The following ACACB variants were observed in gnomAD, a reference collection of about 807,000 sequenced individuals.
ACACB encodes acetyl-CoA carboxylase 2.
Under a neutral mutation model 278.8 loss-of-function variants are expected in ACACB, and 209 were observed. The observed-to-expected ratio is 0.75, with a 90% CI of 0.67 to 0.84. ACACB has a LOEUF of 0.84. Ranked by LOEUF, ACACB falls within the 40% of genes least tolerant of loss-of-function variation. ACACB has a pLI of 0.00. For missense variants in ACACB, 2,850 were observed against 3,269.0 expected (o/e 0.87, Z 3.13); for synonymous variants, 1,174 against 1,285.6 (o/e 0.91, Z 1.86).
chr12:109,142,588 A>G (rs185514377), intron 2 of ACACB, among the ~76,000 whole-genome samples: 2,505 of 151,756 alleles, frequency 0.017, 26 homozygotes, highest in Non-Finnish European at 0.02. Context: ...ATTTTTTTGG[A>G]CAGAGTCTCA....
chr12:109,226,094 C>G (rs2046304597), intron 27 of ACACB, among the ~76,000 whole-genome samples: 1 of 151,382 alleles, frequency 6.6e-6, no homozygotes, highest in South Asian at 2.1e-4. Flanking sequence ...TAGGAAGATC[C>G]TTTCTTTACT....
chr12:109,163,735 C>T (rs543679482), intron 2 of ACACB, among the ~76,000 whole-genome samples: 15 of 152,208 alleles, frequency 9.9e-5, no homozygotes, highest in Admixed American at 2.6e-4. Context: ...CTACAACATC[C>T]GCCTCCTGGG....
chr12:109,219,917 C>G (rs2046112092), intron 24 of ACACB, among the ~76,000 whole-genome samples: 1 of 152,144 alleles, frequency 6.6e-6, no homozygotes, highest in Non-Finnish European at 1.5e-5. Flanking sequence ...AGTTCTATTA[C>G]TAAAATAATA....
At chr12:109,243,390 G>A (rs933983450) in intron 37 of ACACB, among the ~76,000 whole-genome samples, 2 of 152,156 alleles carry the variant, frequency 1.3e-5, no homozygotes, top group Non-Finnish European at 2.9e-5. Flanking sequence ...TTTGAGGTCA[G>A]GAGTTTAAGA....
intron 21 of ACACB, among the ~76,000 whole-genome samples, chr12:109,210,167 GTA>G (rs1229534249): frequency 7.9e-5 from 4 of 50,326 alleles, no homozygotes; most frequent in African/African-American, 3.5e-4. Flanking sequence ...GTGTGTATAT[GTA>G]TATATGTATA....
At chr12:109,229,430 G>A (rs2046407280) in intron 28 of ACACB, among the ~76,000 whole-genome samples, 1 of 152,154 alleles carries the variant, frequency 6.6e-6, no homozygotes, top group South Asian at 2.1e-4. Context: ...GGGGCCCTCT[G>A]AGCCAGGTGT....
chr12:109,166,868 A>AC lies in ACACB; in HGVS notation c.661_662insC (p.Met221ThrfsTer29). 1 of 1,613,960 alleles carries AC rather than the reference A, an allele frequency of 6.2e-7. No homozygotes were observed. The highest frequency in any genetic ancestry group is 8.5e-7 in the Non-Finnish European group (1 of 1,180,004). On this transcript the variant is annotated frameshift_variant, in exon 3 of 53. Transcript: ENST00000338432. LOFTEE classifies it high-confidence loss of function. ...CTCATTCTTATTCTGCAGGCCGAGC[A>AC]TGTCGGGACTCCACCTGGTGAAGAG...
intron 44 of ACACB, among the ~76,000 whole-genome samples, chr12:109,255,501 C>T (rs2047202380): frequency 6.6e-6 from 1 of 152,206 alleles, no homozygotes; most frequent in Non-Finnish European, 1.5e-5. Flanking sequence ...CAGGCCAGTC[C>T]TCGGCAGATG....
chr12:109,127,876 G>T (rs2042719962), intron 1 of ACACB, among the ~76,000 whole-genome samples: 1 of 152,072 alleles, frequency 6.6e-6, no homozygotes, highest in African/African-American at 2.4e-5. Flanking sequence ...AAGTTGTCAC[G>T]TATCTTCTTC....
In ACACB at chr12:109,266,350, G is replaced by A. The variant is rs776918092; in HGVS notation, c.7365G>A (p.Pro2455=). 1.4e-5 allele frequency: 22 copies of A among 1,607,878 alleles called. No homozygotes were observed. Among genetic ancestry groups the A allele is most frequent in the South Asian group, 7.7e-5 (7 of 90,586 alleles). The change falls in exon 53 of 53, where the codon CCG becomes CCA. Residue 2455 remains proline, a synonymous_variant. Coordinates refer to ENST00000338432, the MANE Select transcript of ACACB (RefSeq NM_001093.4). ...ACCTGCTGTCTACCATGGACAGCCC[G>A]GCCTCCACCTGACCGTGGCCCGCCC... ...VVHLLSTMDS[P]AST is the part of the protein sequence containing the mutation.
In ACACB at chr12:109,210,199, GTATATA is replaced by G. The variant is rs1162833610; in HGVS notation, c.3249+848_3249+853del. 7.4e-5 allele frequency among the ~76,000 whole-genome samples: 3 copies of G among 40,550 alleles called. 1 individual carries two copies. The highest frequency in any genetic ancestry group is 5.6e-4 in the East Asian group (1 of 1,780). The allele number at this position is 40,550 out of a possible 152,430, so 26.6% of individuals were successfully genotyped here. ...TGTATATATACACACGTGTGTATATGTATATATGTATATATACACACATGTGTGTAT... is the reference window on the plus strand; with the variant it reads ...TGTATATATACACACGTGTGTATATGTGTATATATACACACATGTGTGTAT... On this transcript the variant is annotated intron_variant, in intron 21 of 52. Coordinates refer to ENST00000338432, the MANE Select transcript of ACACB (RefSeq NM_001093.4).
intron 15 of ACACB, among the ~76,000 whole-genome samples, chr12:109,192,471 G>A (rs186151842): frequency 6.6e-6 from 1 of 152,096 alleles, no homozygotes; most frequent in East Asian, 1.9e-4. Flanking sequence ...ATCATAGGAT[G>A]TTAGCAGCAT....
Position 109,265,502 on chromosome 12 carries a change from C to G in ACACB, c.7227C>G (p.Asp2409Glu), listed in dbSNP as rs139766548. 7.9e-5 allele frequency: 127 copies of G among 1,613,658 alleles called. No homozygotes were observed. The highest frequency in any genetic ancestry group is 1.0e-4 in the Non-Finnish European group (123 of 1,179,970). Residue 2409 changes from aspartate (D) to glutamate (E), a missense_variant, in exon 52 of 53, where the codon GAC becomes GAG. Asp to Glu is a conservative substitution (Grantham distance 45). This residue lies in a region of ACACB where 579 missense variants were observed against 684.6 expected (regional missense o/e 0.85). Transcript: ENST00000338432. The stretch of plus-strand genomic sequence containing the variant: ...AGAACATCACGTACCTGAAGCACGA[C>G]TCTGTCCTCAAGACCATCCGAGGGT... ...IRENITYLKH[D>E]SVLKTIRGLV... is the part of the protein sequence containing the mutation.
intron 1 of ACACB, among the ~76,000 whole-genome samples, chr12:109,136,773 A>G (rs2042975643): frequency 6.6e-6 from 1 of 152,170 alleles, no homozygotes; most frequent in African/African-American, 2.4e-5. Context: ...CTTTCTACAT[A>G]TAGGACCATG....
Position 109,209,317 on chromosome 12 carries a change from C to A in ACACB, c.3213C>A (p.Asn1071Lys). ...GGGTGATGGCCCAGTATGCCAGCAA[C>A]ATCACCTCGGTGCTGTGCCAGTTCC... is the stretch of plus-strand genomic sequence containing the variant. ...VRRVMAQYAS[N>K]ITSVLCQFPS... The change falls in exon 21 of 53, where the codon AAC (asparagine) becomes AAA (lysine). Residue 1071 changes from asparagine (N) to lysine (K), a missense_variant. By Grantham distance (94) the Asn-to-Lys change is moderately conservative. Transcript: ENST00000338432. 6.2e-7 allele frequency: 1 copy of A among 1,612,518 alleles called. No individual in the cohort carries two copies. The highest frequency in any genetic ancestry group is 1.3e-5 in the African/African-American group (1 of 75,036).
intron 31 of ACACB, among the ~76,000 whole-genome samples, 161 bp from the exon 32 acceptor site, chr12:109,235,152 C>T (rs1039507329): frequency 1.3e-5 from 2 of 152,124 alleles, no homozygotes; most frequent in East Asian, 1.9e-4. Context: ...CTATTCTGGA[C>T]GTTTCATATA....
rs761600936 is a variant in ACACB, at chr12:109,216,937, C to T, written c.3564+17C>T. 2 of 1,611,320 alleles carry T rather than the reference C, an allele frequency of 1.2e-6. No individual in the cohort carries two copies. The highest frequency in any genetic ancestry group is 1.1e-5 in the South Asian group (1 of 90,830). ...ATGTTGATCGTAAGCAGGAAGAGGG[C>T]CTGTTACTAGACTGGGGGTGGGTCA... On this transcript the variant is annotated intron_variant, in intron 24 of 52. Transcript: ENST00000338432.
Position 109,206,701 on chromosome 12 carries a change from T to G in ACACB, c.2914-9T>G. 1 of 1,613,650 alleles carries G rather than the reference T, an allele frequency of 6.2e-7. No homozygotes were observed. Among genetic ancestry groups the G allele is most frequent in the Non-Finnish European group, 8.5e-7 (1 of 1,179,904 alleles). On this transcript the variant is annotated splice_polypyrimidine_tract_variant and intron_variant, in intron 19 of 52. Transcript: ENST00000338432. ...TTCCTGACCTGTCGTTCTTGTGGTG[T>G]CTCATCAGGCTGAACCGTTCACAGG...
intron 7 of ACACB, 60 bp downstream of exon 7, chr12:109,174,290 C>A: frequency 1.5e-6 from 2 of 1,355,298 alleles, no homozygotes; most frequent in Non-Finnish European, 1.0e-6. Flanking sequence ...ATAATGTGAA[C>A]GGTCAGGGTG....
Sources: allele counts gnomAD v4.1 joint callset (sites outside exome capture counted in the v4.1 genomes callset), GRCh38; gene constraint gnomAD v4.1.1; regional missense constraint gnomAD v4.1.1; transcripts MANE v1.5; gene names NCBI Gene and HGNC (gene_info 2026-07-23, HGNC 2026-07-21).